Variants in SYT1 observed in about 807,000 individuals in gnomAD.
The protein encoded by SYT1 is synaptotagmin-1.
SYT1 carries 8 observed loss-of-function variants against 44.8 expected under a neutral mutation model. The observed-to-expected ratio is 0.18, with a 90% CI of 0.10 to 0.32. The LOEUF (loss-of-function observed/expected upper bound fraction) is 0.32. Ranked by LOEUF, SYT1 falls within the 10% of genes least tolerant of loss-of-function variation. The pLI, the probability that SYT1 is intolerant of heterozygous loss-of-function variation, is 1.00. For missense variants in SYT1, 286 were observed against 509.3 expected, an observed-to-expected ratio of 0.56 and a Z score of 4.22; for synonymous variants, 154 against 188.8, an observed-to-expected ratio of 0.82 and a Z score of 1.51.
intron 3 of SYT1, among the ~76,000 whole-genome samples, chr12:79,051,157 TC>T (rs1388168820): frequency 4.0e-5 from 6 of 151,758 alleles, no homozygotes; most frequent in Admixed American, 3.9e-4. Context: ...AAAAAACTCT[TC>T]TCCAAATTTA....
chr12:79,387,188 A>G lies in SYT1; in HGVS notation c.928+33569A>G, dbSNP rs530584312. On this transcript the variant is annotated intron_variant, in intron 9 of 10. Transcript: ENST00000261205. ...ACCCACCTTGTAATCTTCAAATACTATATCTAACTGATACCCTTCATAAAG... is the reference window on the plus strand; with the variant it reads ...ACCCACCTTGTAATCTTCAAATACTGTATCTAACTGATACCCTTCATAAAG... Among the ~76,000 whole-genome samples, 6 of 152,314 alleles carry G rather than the reference A, an allele frequency of 3.9e-5. No homozygotes were observed. In the South Asian group the frequency reaches 1.0e-3, roughly 26 times the overall value.
At chr12:79,387,531 G>C (rs773158632) in intron 9 of SYT1, among the ~76,000 whole-genome samples, 28 of 152,084 alleles carry the variant, frequency 1.8e-4, no homozygotes, top group South Asian at 4.1e-4. Flanking sequence ...TACTAAATGA[G>C]GTGTAGAACA....
At chr12:79,267,749 G>A (rs553517414) in intron 4 of SYT1, among the ~76,000 whole-genome samples, 26 of 152,220 alleles carry the variant, frequency 1.7e-4, no homozygotes, top group Non-Finnish European at 2.9e-4. Context: ...GTTTACCAGC[G>A]CACTTCTCCC....
At chr12:78,910,715 T>A (rs1185082470) in intron 1 of SYT1, among the ~76,000 whole-genome samples, 4 of 151,994 alleles carry the variant, frequency 2.6e-5, no homozygotes, top group African/African-American at 9.7e-5. Context: ...TCTGAAAAAT[T>A]CTACAGAAGA....
intron 9 of SYT1, among the ~76,000 whole-genome samples, chr12:79,356,348 T>C (rs1431077746): frequency 6.6e-6 from 1 of 152,038 alleles, no homozygotes; most frequent in African/African-American, 2.4e-5. Flanking sequence ...AACATCATGC[T>C]TCTCTCTCAC....
intron 3 of SYT1, among the ~76,000 whole-genome samples, chr12:79,145,834 T>C (rs1488801289): frequency 6.6e-6 from 1 of 151,170 alleles, no homozygotes; most frequent in East Asian, 1.9e-4. Flanking sequence ...CTCGGCTCAC[T>C]GCAAGCTCCG....
chr12:79,257,950 G>C (rs1462579283), intron 4 of SYT1, among the ~76,000 whole-genome samples: 1 of 152,056 alleles, frequency 6.6e-6, no homozygotes, highest in Non-Finnish European at 1.5e-5. Flanking sequence ...AATGTTTTAG[G>C]ATGTATCACA....
chr12:79,261,353 C>CTCTGCCA (rs1346561552), intron 4 of SYT1, among the ~76,000 whole-genome samples: 1 of 152,192 alleles, frequency 6.6e-6, no homozygotes, highest in Non-Finnish European at 1.5e-5. Context: ...TTTTCAATCT[C>CTCTGCCA]TCTGCCACAC....
At chr12:79,231,187 G>A (rs1435792424) in intron 4 of SYT1, among the ~76,000 whole-genome samples, 1 of 152,106 alleles carries the variant, frequency 6.6e-6, no homozygotes, top group Non-Finnish European at 1.5e-5. Flanking sequence ...GAATGTATGA[G>A]ATATACCATT....
At position 78,904,361 on chromosome 12, in the gene SYT1, G is replaced by A. The variant is rs559540928; in HGVS notation, c.-217+39252G>A. On this transcript the variant is annotated intron_variant, in intron 1 of 10. Transcript: ENST00000261205. ...TACATTGAAGAGAGACACTATTAAC[G>A]TGTAAAAATATAAAATTTGAATTTT... Among the ~76,000 whole-genome samples the A allele has an allele frequency of 1.6e-4, 25 of 152,184 alleles. No homozygotes were observed. In the East Asian group the frequency reaches 2.9e-3, roughly 18 times the overall value.
intron 10 of SYT1, 65 bp from the exon 11 acceptor site, chr12:79,448,853 C>T (rs754805423): frequency 3.3e-5 from 48 of 1,440,168 alleles, no homozygotes; most frequent in African/African-American, 7.0e-5. Flanking sequence ...CGCTCAAGGA[C>T]GCTTTATAGT....
chr12:78,896,105 C>G (rs919617498), intron 1 of SYT1, among the ~76,000 whole-genome samples: 1 of 151,716 alleles, frequency 6.6e-6, no homozygotes, highest in African/African-American at 2.4e-5. Context: ...GAATTTATAT[C>G]TAGAAATCCA....
intron 4 of SYT1, among the ~76,000 whole-genome samples, chr12:79,258,415 T>A (rs1027808271): frequency 1.3e-5 from 2 of 152,024 alleles, no homozygotes; most frequent in Non-Finnish European, 2.9e-5. Flanking sequence ...AAGGATAGAG[T>A]GTGTAAATGC....
At chr12:79,427,181 G>A (rs1232581443) in intron 9 of SYT1, among the ~76,000 whole-genome samples, 2 of 152,136 alleles carry the variant, frequency 1.3e-5, no homozygotes, top group Admixed American at 6.5e-5. Flanking sequence ...TTTTTGTCAT[G>A]TTCTATCCAA....
At chr12:78,909,093 G>A (rs369649761) in intron 1 of SYT1, among the ~76,000 whole-genome samples, 3 of 151,910 alleles carry the variant, frequency 2.0e-5, no homozygotes, top group East Asian at 1.9e-4. Flanking sequence ...ATCTTAATTG[G>A]CATTGCACTG....
intron 8 of SYT1, among the ~76,000 whole-genome samples, chr12:79,320,991 G>C (rs1046612074): frequency 6.6e-6 from 1 of 152,018 alleles, no homozygotes; most frequent in African/African-American, 2.4e-5. Flanking sequence ...CATTCTACCT[G>C]CTGGCTTGTG....
chr12:78,979,632 T>C (rs572172217), intron 2 of SYT1, among the ~76,000 whole-genome samples: 9 of 152,238 alleles, frequency 5.9e-5, no homozygotes, highest in African/African-American at 2.2e-4. Context: ...TTTCTACATG[T>C]TTTCATTACT....
intron 1 of SYT1, among the ~76,000 whole-genome samples, chr12:78,887,177 G>A (rs1217969421): frequency 6.6e-6 from 1 of 151,918 alleles, no homozygotes; most frequent in African/African-American, 2.4e-5. Flanking sequence ...GTAGCATGAT[G>A]AAATCTCACG....
rs181518247 is a variant in SYT1, at chr12:79,317,262, G to A, written c.810+17711G>A. ...CAAGTGCCCGAAGGCAAAGTAGAAT[G>A]ACCCCTAAGCTTTTTTCGAAAGCTG... On this transcript the variant is annotated intron_variant, in intron 8 of 10. Transcript: ENST00000261205. 3.3e-3 allele frequency among the ~76,000 whole-genome samples: 502 copies of A among 152,240 alleles called. 1 individual carries two copies. Among genetic ancestry groups the A allele is most frequent in the Non-Finnish European group, 5.1e-3 (346 of 68,034 alleles).
Sources: allele counts gnomAD v4.1 joint callset (sites outside exome capture counted in the v4.1 genomes callset), GRCh38; gene constraint gnomAD v4.1.1; transcripts MANE v1.5; gene names NCBI Gene and HGNC (gene_info 2026-07-23, HGNC 2026-07-21).